The following ENO4 variants were observed in gnomAD, a reference collection of about 807,000 sequenced individuals.
The protein encoded by ENO4 is enolase 4.
Under a neutral mutation model 63.2 loss-of-function variants are expected in ENO4, and 53 were observed. That is an observed-to-expected ratio of 0.84 (90% confidence interval 0.67 to 1.05). The LOEUF is 1.05. Ranked by LOEUF, ENO4 falls within the 50% of genes least tolerant of loss-of-function variation. The probability of loss-of-function intolerance (pLI) is 0.00; values close to 1 mark genes in which losing one functional copy is unlikely to be tolerated. For synonymous variants in ENO4, 266 were observed against 283.8 expected, an observed-to-expected ratio of 0.94 and a Z score of 0.63; for missense variants, 719 against 772.0, an observed-to-expected ratio of 0.93 and a Z score of 0.81.
At position 116,876,178 on chromosome 10, in the gene ENO4, C is replaced by T. The variant is rs201860890; in HGVS notation, c.1455C>T (p.Ile485=). The change falls in exon 11 of 14, where the codon ATC becomes ATT. Residue 485 remains isoleucine, a synonymous_variant. Coordinates refer to ENST00000341276, the MANE Select transcript of ENO4 (RefSeq NM_001242699.2). ...TTCTAGAGCAAGGAAACATCAGCAT[C>T]CCCAAATCCAATGGGCTGATCATAA... ...SKLLEQGNIS[I]PKSNGLIIKH... The T allele has an allele frequency of 1.1e-3, 1,718 of 1,550,592 alleles. 39 individuals are homozygous for T. In the South Asian group the frequency reaches 0.019, roughly 17 times the overall value.
chr10:116,879,951 C>T lies in ENO4; in HGVS notation c.1688C>T (p.Thr563Ile). 6.4e-7 allele frequency: 1 copy of T among 1,550,826 alleles called. No homozygotes were observed. ...GTGACTAAATACAACCGCCTTCTCA[C>T]TATAGAGGAAGAACTTGTCCAGAAT... ...ERVTKYNRLL[T>I]IEEELVQNGT... The change falls in exon 13 of 14, where the codon ACT becomes ATT. Residue 563 changes from threonine (T) to isoleucine (I), a missense_variant. Transcript: ENST00000341276.
intron 10 of ENO4, chr10:116,907,764 C>T (rs1848030884): frequency 6.8e-6 from 3 of 440,122 alleles, no homozygotes; most frequent in South Asian, 1.6e-5. Context: ...GATCAGAGGA[C>T]ATAAGAACCT....
At chr10:116,881,367 C>G in intron 13 of ENO4, 148 bp from the exon 14 acceptor site, 1 of 584,306 alleles carries the variant, frequency 1.7e-6, no homozygotes. Context: ...ACCAAAGATA[C>G]GCCCAGTTGT....
At chr10:116,857,218 A>G (rs1846289209) in intron 3 of ENO4, among the ~76,000 whole-genome samples, 1 of 152,144 alleles carries the variant, frequency 6.6e-6, no homozygotes, top group Non-Finnish European at 1.5e-5. Context: ...TCATGTATAG[A>G]GCTTTCCTAA....
At chr10:116,901,788 G>A in intron 10 of ENO4, 1 of 1,602,600 alleles carries the variant, frequency 6.2e-7, no homozygotes, top group African/African-American at 1.4e-5. Context: ...TGGAACTTGT[G>A]CATCCTTCCA....
chr10:116,880,097 A>G (rs1332139569), intron 13 of ENO4, 111 bp downstream of exon 13: 2 of 761,120 alleles, frequency 2.6e-6, no homozygotes, highest in Non-Finnish European at 4.2e-6. Flanking sequence ...TCCAAAGACC[A>G]TACATAAGTG....
Position 116,893,756 on chromosome 10 carries a change from T to C in ENO4, c.1194+13770T>C, listed in dbSNP as rs566517071. 5.9e-5 allele frequency among the ~76,000 whole-genome samples: 9 copies of C among 152,304 alleles called. 1 individual carries two copies. In the South Asian group the frequency reaches 1.9e-3, roughly 32 times the overall value. On this transcript the variant is annotated intron_variant, in intron 10 of 10. Coordinates refer to the ENO4 transcript ENST00000369207. ...CCAAACCTCTCTTAAGGAATGGTTA[T>C]ATGGCCAACTAAATTAATTTCCAGC... is the stretch of plus-strand genomic sequence containing the variant.
intron 10 of ENO4, among the ~76,000 whole-genome samples, chr10:116,889,836 CTTAGTT>C (rs1330664077): frequency 6.6e-6 from 1 of 152,186 alleles, no homozygotes; most frequent in Non-Finnish European, 1.5e-5. Flanking sequence ...CAAGCTATCC[CTTAGTT>C]TTAATTTTTC....
rs538085678 is a variant in ENO4, at chr10:116,871,656, TATG to T, written c.1215+368_1215+370del. Among the ~76,000 whole-genome samples the T allele has an allele frequency of 6.6e-5, 10 of 152,326 alleles. No homozygotes were observed. In the East Asian group the frequency reaches 1.7e-3, roughly 26 times the overall value. Reference sequence around the variant, plus strand: ...CCTAAAAAGTAGATGAGTTGTAACTTATGATGTGATAGGCGCTTCCAGACATGT... The same window carrying T: ...CCTAAAAAGTAGATGAGTTGTAACTTATGTGATAGGCGCTTCCAGACATGT... On this transcript the variant is annotated intron_variant, in intron 9 of 13. Transcript: ENST00000341276.
chr10:116,904,184 A>C (rs1341914164), intron 10 of ENO4, among the ~76,000 whole-genome samples: 1 of 152,162 alleles, frequency 6.6e-6, no homozygotes, highest in Non-Finnish European at 1.5e-5. Context: ...CACCCCAGAG[A>C]TTCAAGTACC....
chr10:116,893,576 G>GCACGCACACACACACACACACA (rs1554905665), intron 10 of ENO4, among the ~76,000 whole-genome samples: 4 of 123,524 alleles, frequency 3.2e-5, no homozygotes, highest in South Asian at 3.0e-4. Context: ...GCACTCATGT[G>GCACGCACACACACACACACACA]CACACACACA....
At chr10:116,888,547 C>A (rs1847234507) in intron 10 of ENO4, among the ~76,000 whole-genome samples, 2 of 152,160 alleles carry the variant, frequency 1.3e-5, no homozygotes, top group African/African-American at 4.8e-5. Context: ...TAGAGCTGCA[C>A]CTATCTCTCT....
chr10:116,862,738 GT>G, intron 6 of ENO4, 60 bp from the exon 7 acceptor site: 7 of 1,307,806 alleles, frequency 5.4e-6, no homozygotes, highest in East Asian at 2.5e-5. Context: ...CGTGTTATAA[GT>G]TTTTATACTT....
At chr10:116,868,779 A>T (rs1202352762) in intron 8 of ENO4, 73 bp downstream of exon 8, 7 of 1,361,694 alleles carry the variant, frequency 5.1e-6, no homozygotes, top group Non-Finnish European at 7.2e-6. Context: ...TTTATCTTCC[A>T]TAGTCACTTT....
chr10:116,853,112 G>A (rs965056993), intron 1 of ENO4, among the ~76,000 whole-genome samples: 4 of 152,018 alleles, frequency 2.6e-5, no homozygotes, highest in Non-Finnish European at 5.9e-5. Context: ...TGGCTAACAC[G>A]GTGAAACCCT....
intron 10 of ENO4, chr10:116,907,930 C>G (rs1352182531): frequency 3.9e-6 from 2 of 517,076 alleles, no homozygotes; most frequent in Non-Finnish European, 7.7e-6. Context: ...CTGAAGGATT[C>G]TAATAATTCT....
intron 11 of ENO4, among the ~76,000 whole-genome samples, chr10:116,876,595 C>T (rs60012395): frequency 0.044 from 6,653 of 152,282 alleles, 472 homozygotes; most frequent in African/African-American, 0.15. Flanking sequence ...AAGGGCATAG[C>T]CTTCAGCACA....
intron 10 of ENO4, among the ~76,000 whole-genome samples, chr10:116,910,743 A>G (rs1848158981): frequency 6.6e-6 from 1 of 152,212 alleles, no homozygotes; most frequent in Non-Finnish European, 1.5e-5. Flanking sequence ...AGAACACTGA[A>G]TAACAGACTT....
rs913272480 is a variant in ENO4, at chr10:116,906,626, C to T, written c.1195-4873C>T. Reference sequence around the variant, plus strand: ...ACTGTGGAGAATTCAAACCGGCTTACTACTGCTATCTGCTTCTGCTGTCAC... The same window carrying T: ...ACTGTGGAGAATTCAAACCGGCTTATTACTGCTATCTGCTTCTGCTGTCAC... On this transcript the variant is annotated intron_variant, in intron 10 of 10. Coordinates refer to the ENO4 transcript ENST00000369207. 3 of 1,610,854 alleles carry T rather than the reference C, an allele frequency of 1.9e-6. No individual in the cohort carries two copies. The African/African-American group carries it at 4.0e-5, about 22-fold the overall frequency.
Sources: gnomAD v4.1 joint callset for allele counts (sites outside exome capture counted in the v4.1 genomes callset) on GRCh38, gnomAD v4.1.1 for gene constraint, MANE v1.5 for transcripts, NCBI Gene and HGNC (gene_info 2026-07-23, HGNC 2026-07-21) for gene names.